Variants in HOXB3 observed in about 807,000 individuals in gnomAD.
HOXB3 encodes the protein homeobox B3, also known as homeobox protein Hox-B3.
Under a neutral mutation model 29.2 loss-of-function variants are expected in HOXB3, and 17 were observed. That is an observed-to-expected ratio of 0.58 (90% CI 0.40 to 0.87). The LOEUF is 0.87. HOXB3 is among the 40% of genes least tolerant of loss of function. The pLI is 0.00. For synonymous variants in HOXB3, 317 were observed against 285.9 expected, an observed-to-expected ratio of 1.11 and a Z score of -1.10; for missense variants, 637 against 616.3, an observed-to-expected ratio of 1.03 and a Z score of -0.35.
Position 48,550,505 on chromosome 17 carries a change from G to A in HOXB3, c.1125C>T (p.His375=), listed in dbSNP as rs1283892579. ...PAGPSLYGLN[H]LSHHPSGNLD... is the part of the protein sequence containing the mutation. ...GGTTCCCGGAAGGGTGATGGGAAAG[G>A]TGGTTGAGGCCATAGAGGGAGGGGC... The change falls in exon 5 of 5, where the codon CAC becomes CAT. Residue 375 remains histidine (H), a synonymous_variant. Coordinates refer to ENST00000498678, the MANE Select transcript of HOXB3 (RefSeq NM_001384749.1). 6.3e-7 allele frequency: 1 copy of A among 1,599,472 alleles called. No individual in the cohort carries two copies. The highest frequency in any genetic ancestry group is 1.1e-5 in the South Asian group (1 of 89,774).
At chr17:48,585,088 C>T (rs1000959479) in intron 1 of HOXB3, among the ~76,000 whole-genome samples, 2 of 152,098 alleles carry the variant, frequency 1.3e-5, no homozygotes, top group Admixed American at 6.5e-5. Context: ...AAAACGCTTT[C>T]CTTACCCCTC....
At position 48,549,081 on chromosome 17, in the gene HOXB3, C is replaced by G. The variant is rs1187474168; in HGVS notation, c.*1253G>C. On this transcript the variant is annotated 3_prime_UTR_variant, in exon 5 of 5. Coordinates refer to ENST00000498678, the MANE Select transcript of HOXB3 (RefSeq NM_001384749.1). ...TCGTAAGTACGAGTTTAACATAAAT[C>G]TACAGCTCTTTTCTAGAGTACAATA... is the stretch of plus-strand genomic sequence containing the variant. 6.6e-6 allele frequency: 1 copy of G among 152,664 alleles called. No homozygotes were observed. Among genetic ancestry groups the G allele is most frequent in the African/African-American group, 2.4e-5 (1 of 41,454 alleles). The allele number at this position is 152,664 out of a possible 1,614,324, so 9.5% of individuals were successfully genotyped here.
rs542916067 is a variant in HOXB3, at chr17:48,587,464, A to T, written c.-425+2661T>A. ...GTTGGTCCCCCAAGCTGAGAAGTCC[A>T]TGCTGGGGAGACTAGCCCTGGGAAG... On this transcript the variant is annotated intron_variant, in intron 1 of 4. Transcript: ENST00000498678. 5.4e-4 allele frequency among the ~76,000 whole-genome samples: 82 copies of T among 152,314 alleles called. No homozygotes were observed. In the South Asian group the frequency reaches 0.011, roughly 20 times the overall value.
In HOXB3 at chr17:48,554,357, GTAA is replaced by G. The variant is rs2068876709; in HGVS notation, c.-159+1171_-159+1173del. On this transcript the variant is annotated intron_variant, in intron 3 of 4. Coordinates refer to ENST00000498678, the MANE Select transcript of HOXB3 (RefSeq NM_001384749.1). This position sits in a 1 kb window ranked among gnomAD's most constrained non-coding sequence, Gnocchi z 4.1. ...AATAATGATGACGATGATGATGATA[GTAA>G]TAATAATAAAACAATAATTTAACTA... 4.5e-6 allele frequency: 2 copies of G among 441,154 alleles called. No homozygotes were observed. Among genetic ancestry groups the G allele is most frequent in the Non-Finnish European group, 8.2e-6 (2 of 244,358 alleles). 27.3% of individuals were successfully genotyped at this position (441,154 alleles called of 1,614,324 possible). A position where few individuals can be genotyped will look rare whatever the true frequency, so the allele number is the denominator to read the frequency against.
chr17:48,576,577 G>A (rs1050597207), intron 1 of HOXB3: 17 of 640,328 alleles, frequency 2.7e-5, no homozygotes, highest in African/African-American at 5.5e-5. Flanking sequence ...CCTCTTCTGC[G>A]TTTATTCGTA....
At chr17:48,568,258 G>A (rs2069455780) in intron 2 of HOXB3, among the ~76,000 whole-genome samples, 1 of 152,152 alleles carries the variant, frequency 6.6e-6, no homozygotes, top group African/African-American at 2.4e-5. Flanking sequence ...TGCTGCTGCA[G>A]GAATGTTGGC....
Position 48,578,295 on chromosome 17 carries a change from T to G in HOXB3, c.-424-4281A>C, listed in dbSNP as rs554375126. On this transcript the variant is annotated intron_variant, in intron 1 of 4. Coordinates refer to ENST00000498678, the MANE Select transcript of HOXB3 (RefSeq NM_001384749.1). ...AACTTGGGGTCGACATAGTTTGAGTTGATCAAAAAAGAACTCATAGCCATT... is the reference window on the plus strand; with the variant it reads ...AACTTGGGGTCGACATAGTTTGAGTGGATCAAAAAAGAACTCATAGCCATT... The G allele has an allele frequency of 5.3e-5, 85 of 1,610,422 alleles. No individual in the cohort carries two copies. The South Asian group carries it at 8.3e-4, about 16-fold the overall frequency.
rs1379588960 is a variant in HOXB3, at chr17:48,549,941, TGTAAG to T, written c.*388_*392del. Reference sequence around the variant, plus strand: ...ATTTGGGGGGAATTACCTACAAAGATGTAAGGTAAGTCCGTTGGTTGGTGATGGCC... The same window carrying T: ...ATTTGGGGGGAATTACCTACAAAGATGTAAGTCCGTTGGTTGGTGATGGCC... On this transcript the variant is annotated 3_prime_UTR_variant, in exon 5 of 5. Coordinates refer to ENST00000498678, the MANE Select transcript of HOXB3 (RefSeq NM_001384749.1). 15 of 171,022 alleles carry T rather than the reference TGTAAG, an allele frequency of 8.8e-5. No individual in the cohort carries two copies. The highest frequency in any genetic ancestry group is 2.5e-5 in the Non-Finnish European group (2 of 78,978). The allele number at this position is 171,022 out of a possible 1,614,324, so 10.6% of individuals were successfully genotyped here. A position where few individuals can be genotyped will look rare whatever the true frequency, so the allele number is the denominator to read the frequency against.
intron 2 of HOXB3, among the ~76,000 whole-genome samples, chr17:48,564,814 A>C (rs897938929): frequency 2.0e-5 from 3 of 152,178 alleles, no homozygotes; most frequent in African/African-American, 7.2e-5. Context: ...GAGGGCGGCA[A>C]TGGAGGGAAC....
chr17:48,564,435 G>A (rs1029082064), intron 2 of HOXB3, among the ~76,000 whole-genome samples: 5 of 113,454 alleles, frequency 4.4e-5, no homozygotes, highest in Non-Finnish European at 9.9e-5. Context: ...CCCCGCCCCC[G>A]CCCCCGCCCC....
At position 48,576,606 on chromosome 17, in the gene HOXB3, G is replaced by A. The variant is rs868335824; in HGVS notation, c.-424-2592C>T. 3.1e-5 allele frequency: 26 copies of A among 831,570 alleles called. No individual in the cohort carries two copies. The African/African-American group carries it at 4.3e-4, about 14-fold the overall frequency. The allele number at this position is 831,570 out of a possible 1,614,324, so 51.5% of individuals were successfully genotyped here. A position where few individuals can be genotyped will look rare whatever the true frequency, so the allele number is the denominator to read the frequency against. ...ATTCGTATATAAAGTGTGGGGGAGG[G>A]CAGATAGATTTTTCCGGGGCCCAGG... is the stretch of plus-strand genomic sequence containing the variant. On this transcript the variant is annotated intron_variant, in intron 1 of 4. Coordinates refer to ENST00000498678, the MANE Select transcript of HOXB3 (RefSeq NM_001384749.1).
In HOXB3 at chr17:48,554,590, C is replaced by A; in HGVS notation, c.-159+941G>T. ...CTGCTGCCAGGCTGCCTCAGCCGGT[C>A]GCTGCTGCCGCGGCGACTGGCGACA... On this transcript the variant is annotated intron_variant, in intron 3 of 4. Coordinates refer to ENST00000498678, the MANE Select transcript of HOXB3 (RefSeq NM_001384749.1). This position sits in a 1 kb window ranked among gnomAD's most constrained non-coding sequence, Gnocchi z 4.1. The A allele has an allele frequency of 2.9e-6, 2 of 699,334 alleles. No individual in the cohort carries two copies. The highest frequency in any genetic ancestry group is 3.0e-5 in the South Asian group (2 of 67,408). The allele number at this position is 699,334 out of a possible 1,614,324, so 43.3% of individuals were successfully genotyped here. A position where few individuals can be genotyped will look rare whatever the true frequency, so the allele number is the denominator to read the frequency against.
At chr17:48,556,191 G>C (rs1179267941) in intron 2 of HOXB3, among the ~76,000 whole-genome samples, 2 of 151,760 alleles carry the variant, frequency 1.3e-5, no homozygotes, top group African/African-American at 2.4e-5. Context: ...ATCTAGATTG[G>C]AGGGACAGGG....
At chr17:48,589,837 G>T (rs1419719158) in intron 1 of HOXB3, among the ~76,000 whole-genome samples, 1 of 152,042 alleles carries the variant, frequency 6.6e-6, no homozygotes, top group Non-Finnish European at 1.5e-5. Flanking sequence ...CCTCCTTCCT[G>T]GTCCCTAAAT....
At position 48,578,366 on chromosome 17, in the gene HOXB3, C is replaced by G. The variant is rs932697201; in HGVS notation, c.-424-4352G>C. On this transcript the variant is annotated intron_variant, in intron 1 of 4. Coordinates refer to ENST00000498678, the MANE Select transcript of HOXB3 (RefSeq NM_001384749.1). ...AAAATATACTAAAATTTATTCCGAC[C>G]CCTGACTCGTTTTCCTGTTTCCGAA... 13 of 1,575,766 alleles carry G rather than the reference C, an allele frequency of 8.2e-6. No homozygotes were observed. The African/African-American group carries it at 1.8e-4, about 22-fold the overall frequency.
At chr17:48,560,956 CGA>C in intron 2 of HOXB3, among the ~76,000 whole-genome samples, 1 of 152,186 alleles carries the variant, frequency 6.6e-6, no homozygotes, top group South Asian at 2.1e-4. Flanking sequence ...CCGAGGCAGG[CGA>C]TCACCTGAGG....
chr17:48,575,685 T>C (rs1373525104), intron 1 of HOXB3: 2 of 151,100 alleles, frequency 1.3e-5, no homozygotes, highest in Non-Finnish European at 2.9e-5. Context: ...ATAGTAATAA[T>C]AATATTATCA....
Position 48,550,139 on chromosome 17 carries a change from G to T in HOXB3, c.*195C>A. 1.5e-6 allele frequency: 1 copy of T among 647,052 alleles called. No individual in the cohort carries two copies. Among genetic ancestry groups the T allele is most frequent in the Non-Finnish European group, 2.6e-6 (1 of 382,868 alleles). 40.1% of individuals were successfully genotyped at this position (647,052 alleles called of 1,614,324 possible). ...TTCCTTTCCGATGGGTTGGCAGGCA[G>T]ATGGAACAAGGGGTGGAAGACTTAA... On this transcript the variant is annotated 3_prime_UTR_variant, in exon 5 of 5. Transcript: ENST00000498678.
In HOXB3 at chr17:48,555,579, T is replaced by C. The variant is rs1258812382; in HGVS notation, c.-207A>G. 1.4e-6 allele frequency: 1 copy of C among 702,518 alleles called. No individual in the cohort carries two copies. The highest frequency in any genetic ancestry group is 2.7e-5 in the East Asian group (1 of 37,258). 43.5% of individuals were successfully genotyped at this position (702,518 alleles called of 1,614,324 possible). A position where few individuals can be genotyped will look rare whatever the true frequency, so the allele number is the denominator to read the frequency against. On this transcript the variant is annotated 5_prime_UTR_variant, in exon 3 of 5. It removes an upstream start codon present in the reference 5' UTR. Transcript: ENST00000498678. ...CAGGCAGACATAATATATATTCACA[T>C]CGAGCCCCAGAGCGAGCGGCAGGCG...
Sources: allele counts gnomAD v4.1 joint callset (sites outside exome capture counted in the v4.1 genomes callset), GRCh38; gene constraint gnomAD v4.1.1; non-coding constraint Gnocchi (gnomAD v3.1); transcripts MANE v1.5; gene names NCBI Gene and HGNC (gene_info 2026-07-23, HGNC 2026-07-21).